Variants in TBX21 observed in about 807,000 individuals in gnomAD.
TBX21 encodes the protein T-box transcription factor TBX21.
Under a neutral mutation model 52.2 loss-of-function variants are expected in TBX21, and 11 were observed. The ratio of observed to expected loss-of-function variants is 0.21; its 90% CI spans 0.13 to 0.35. TBX21 has a LOEUF of 0.35. TBX21 is among the 10% of genes least tolerant of loss of function. The pLI, the probability that TBX21 is intolerant of heterozygous loss-of-function variation, is 1.00. For synonymous variants in TBX21, 300 were observed against 316.1 expected (o/e 0.95, Z 0.54); for missense variants, 625 against 755.1 (o/e 0.83, Z 2.02).
intron 1 of TBX21, among the ~76,000 whole-genome samples, chr17:47,734,592 T>G (rs975915416): frequency 1.4e-5 from 2 of 140,808 alleles, no homozygotes; most frequent in Non-Finnish European, 3.1e-5. Context: ...TGTGTGTGTG[T>G]GTGTGTGTGT....
At chr17:47,741,924 A>C (rs559659832) in intron 1 of TBX21, among the ~76,000 whole-genome samples, 1 of 152,216 alleles carries the variant, frequency 6.6e-6, no homozygotes, top group Non-Finnish European at 1.5e-5. Context: ...CATGTGAGTC[A>C]TTGAACACAG....
intron 3 of TBX21, 78 bp from the exon 4 acceptor site, chr17:47,744,117 G>T: frequency 6.4e-7 from 1 of 1,561,670 alleles, no homozygotes; most frequent in South Asian, 1.2e-5. Context: ...CCTCACGTGG[G>T]GCCAGCTGTT....
Position 47,733,509 on chromosome 17 carries a change from C to A in TBX21, c.55C>A (p.Pro19Thr). The A allele has an allele frequency of 6.7e-7, 1 of 1,494,732 alleles. No individual in the cohort carries two copies. Among genetic ancestry groups the A allele is most frequent in the Admixed American group, 2.2e-5 (1 of 44,990 alleles). The allele number at this position is 1,494,732 out of a possible 1,614,324, so 92.6% of individuals were successfully genotyped here. A position where few individuals can be genotyped will look rare whatever the true frequency, so the allele number is the denominator to read the frequency against. ...GDMLTGTEPM[P>T]GSDEGRAPGA... ...CATGCTGACGGGCACCGAGCCGATG[C>A]CGGGGAGCGACGAGGGCCGGGCGCC... is the stretch of plus-strand genomic sequence containing the variant. The change falls in exon 1 of 6, where the codon CCG (proline) becomes ACG (threonine). Residue 19 changes from proline (P) to threonine (T), a missense_variant. Transcript: ENST00000177694. The surrounding 1 kb of genome is among the most constrained non-coding windows in gnomAD (Gnocchi z 6.6).
At chr17:47,736,034 G>A (rs1208163792) in intron 1 of TBX21, among the ~76,000 whole-genome samples, 1 of 152,194 alleles carries the variant, frequency 6.6e-6, no homozygotes, top group Non-Finnish European at 1.5e-5. Context: ...AGGCTGTAGA[G>A]CACTTCAGGG....
intron 1 of TBX21, among the ~76,000 whole-genome samples, chr17:47,734,455 T>C (rs1425355846): frequency 6.6e-6 from 1 of 151,332 alleles, no homozygotes; most frequent in Non-Finnish European, 1.5e-5. Flanking sequence ...GTGGTAGCGG[T>C]GGTGGTGGTG....
Position 47,733,414 on chromosome 17 carries a change from CG to C in TBX21, c.-38del, listed in dbSNP as rs772654677. 2.0e-5 allele frequency: 29 copies of C among 1,445,860 alleles called. 1 individual carries two copies. The South Asian group carries it at 3.8e-4, about 19-fold the overall frequency. The allele number at this position is 1,445,860 out of a possible 1,614,324, so 89.6% of individuals were successfully genotyped here. A position where few individuals can be genotyped will look rare whatever the true frequency, so the allele number is the denominator to read the frequency against. On this transcript the variant is annotated 5_prime_UTR_variant, in exon 1 of 6. Transcript: ENST00000177694. This position sits in a 1 kb window ranked among gnomAD's most constrained non-coding sequence, Gnocchi z 6.6. ...CGCGACCCTCTCGCGCGCGGAGGGG[CG>C]GGTCCTCGACGGCTACGGGAAGGTG... is the stretch of plus-strand genomic sequence containing the variant.
intron 1 of TBX21, among the ~76,000 whole-genome samples, chr17:47,738,895 C>T (rs764559168): frequency 9.9e-5 from 15 of 152,186 alleles, no homozygotes; most frequent in Non-Finnish European, 1.6e-4. Context: ...GCCACCACGC[C>T]GGGCCAATAT....
intron 1 of TBX21, among the ~76,000 whole-genome samples, chr17:47,737,283 AAG>A (rs1290347280): frequency 1.3e-5 from 2 of 151,978 alleles, no homozygotes; most frequent in Non-Finnish European, 2.9e-5. Flanking sequence ...TCAGTAGAGG[AAG>A]AGAGAGGCCT....
In TBX21 at chr17:47,742,800, G is replaced by A. The variant is rs923904721; in HGVS notation, c.646+36G>A. 1.1e-5 allele frequency: 17 copies of A among 1,533,164 alleles called. No homozygotes were observed. The Admixed American group carries it at 2.8e-4, about 25-fold the overall frequency. The allele number at this position is 1,533,164 out of a possible 1,614,324, so 95.0% of individuals were successfully genotyped here. On this transcript the variant is annotated intron_variant, in intron 2 of 5. Coordinates refer to ENST00000177694, the MANE Select transcript of TBX21 (RefSeq NM_013351.2). The surrounding 1 kb of genome is among the most constrained non-coding windows in gnomAD (Gnocchi z 4.4). Reference sequence around the variant, plus strand: ...CCCTGGGAGCGGTGGGCTCTGTTTCGCTGGGACTGGGCGCCCCCTGGTGGG... The same window carrying A: ...CCCTGGGAGCGGTGGGCTCTGTTTCACTGGGACTGGGCGCCCCCTGGTGGG...
chr17:47,737,823 G>A (rs991526956), intron 1 of TBX21, among the ~76,000 whole-genome samples: 2 of 151,798 alleles, frequency 1.3e-5, no homozygotes, highest in East Asian at 1.9e-4. Context: ...ACGGGGTTTC[G>A]CCATGTTGGC....
In TBX21 at chr17:47,733,322, G is replaced by C. The variant is rs1394864447; in HGVS notation, c.-133G>C. 4.0e-6 allele frequency: 5 copies of C among 1,242,948 alleles called. No individual in the cohort carries two copies. The highest frequency in any genetic ancestry group is 5.2e-6 in the Non-Finnish European group (5 of 965,032). The allele number at this position is 1,242,948 out of a possible 1,614,324, so 77.0% of individuals were successfully genotyped here. On this transcript the variant is annotated 5_prime_UTR_variant, in exon 1 of 6. Coordinates refer to ENST00000177694, the MANE Select transcript of TBX21 (RefSeq NM_013351.2). The surrounding 1 kb of genome is among the most constrained non-coding windows in gnomAD (Gnocchi z 6.6). The stretch of plus-strand genomic sequence containing the variant: ...GTAGAAGCCAGGCGTCAGAGCCCGG[G>C]CTCCGGTGGGGTCCCCCACCCGGCC...
Position 47,733,686 on chromosome 17 carries a change from C to T in TBX21, c.232C>T (p.Pro78Ser). Residue 78 changes from proline (P) to serine (S), a missense_variant, in exon 1 of 6, where the codon CCG (proline) becomes TCG (serine). By Grantham distance (74) the Pro-to-Ser change is moderately conservative. Around this residue, in one of 4 missense-constraint regions of TBX21, gnomAD observed 221 missense variants for 204.9 expected, o/e 1.08. Coordinates refer to ENST00000177694, the MANE Select transcript of TBX21 (RefSeq NM_013351.2). This position sits in a 1 kb window ranked among gnomAD's most constrained non-coding sequence, Gnocchi z 6.6. ...PSRFLGAYAYPPRPQAAGFPG... is the reference protein window; with the variant it reads ...PSRFLGAYAYSPRPQAAGFPG... ...CCGCTTCCTTGGAGCCTACGCCTACCCGCCGCGACCCCAGGCGGCCGGCTT... is the reference window on the plus strand; with the variant it reads ...CCGCTTCCTTGGAGCCTACGCCTACTCGCCGCGACCCCAGGCGGCCGGCTT... 7.0e-7 allele frequency: 1 copy of T among 1,430,756 alleles called. No homozygotes were observed. Among genetic ancestry groups the T allele is most frequent in the East Asian group, 3.1e-5 (1 of 32,434 alleles). 88.6% of individuals were successfully genotyped at this position (1,430,756 alleles called of 1,614,324 possible). A position where few individuals can be genotyped will look rare whatever the true frequency, so the allele number is the denominator to read the frequency against.
chr17:47,742,383 A>G lies in TBX21; in HGVS notation c.492-227A>G, dbSNP rs866716599. On this transcript the variant is annotated intron_variant, in intron 1 of 5. Coordinates refer to ENST00000177694, the MANE Select transcript of TBX21 (RefSeq NM_013351.2). The surrounding 1 kb of genome is among the most constrained non-coding windows in gnomAD (Gnocchi z 4.4). Reference sequence around the variant, plus strand: ...AGGCATGAGCCACTGTGCCGGGCCTACTTTGACTGTTAATATGTCTTGAAT... The same window carrying G: ...AGGCATGAGCCACTGTGCCGGGCCTGCTTTGACTGTTAATATGTCTTGAAT... Among the ~76,000 whole-genome samples, 25 of 152,178 alleles carry G rather than the reference A, an allele frequency of 1.6e-4. No individual in the cohort carries two copies. The highest frequency in any genetic ancestry group is 4.6e-4 in the Admixed American group (7 of 15,284).
Position 47,742,481 on chromosome 17 carries a change from T to C in TBX21, c.492-129T>C. ...TGGCTGGCAAACTCCCTAAACACCT[T>C]CCAGCTGGTTCTTGTGAGTGGGAGG... is the stretch of plus-strand genomic sequence containing the variant. On this transcript the variant is annotated intron_variant, in intron 1 of 5. Coordinates refer to ENST00000177694, the MANE Select transcript of TBX21 (RefSeq NM_013351.2). This position sits in a 1 kb window ranked among gnomAD's most constrained non-coding sequence, Gnocchi z 4.4. 1 of 1,154,208 alleles carries C rather than the reference T, an allele frequency of 8.7e-7. No individual in the cohort carries two copies. The highest frequency in any genetic ancestry group is 1.2e-6 in the Non-Finnish European group (1 of 839,088). The allele number at this position is 1,154,208 out of a possible 1,614,324, so 71.5% of individuals were successfully genotyped here.
In TBX21 at chr17:47,733,827, T is replaced by C; in HGVS notation, c.373T>C (p.Tyr125His). 2 of 1,606,224 alleles carry C rather than the reference T, an allele frequency of 1.2e-6. No homozygotes were observed. Among genetic ancestry groups the C allele is most frequent in the East Asian group, 4.5e-5 (2 of 44,458 alleles). The change falls in exon 1 of 6, where the codon TAC becomes CAC. Residue 125 changes from tyrosine to histidine, a missense_variant. Tyr to His is a moderately conservative substitution (Grantham distance 83). This residue lies in a region of TBX21 where 142 missense variants were observed against 258.5 expected (regional missense o/e 0.55). Coordinates refer to ENST00000177694, the MANE Select transcript of TBX21 (RefSeq NM_013351.2). The surrounding 1 kb of genome is among the most constrained non-coding windows in gnomAD (Gnocchi z 6.6). ...AGLYPGPRED[Y>H]ALPAGLEVSG... ...GCTCTACCCGGGGCCGCGTGAGGAC[T>C]ACGCGCTACCCGCGGGACTGGAGGT...
At chr17:47,744,434 C>T (rs368881755) in intron 4 of TBX21, 48 bp from the exon 5 acceptor site, 224 of 1,613,572 alleles carry the variant, frequency 1.4e-4, no homozygotes, top group Non-Finnish European at 1.8e-4. Flanking sequence ...GGAAAGTTCC[C>T]GAGCCCCAGA....
At chr17:47,743,516 A>G (rs2032291552) in intron 3 of TBX21, among the ~76,000 whole-genome samples, 1 of 152,170 alleles carries the variant, frequency 6.6e-6, no homozygotes, top group South Asian at 2.1e-4. Context: ...GGCACCATGA[A>G]AGGCACAGAG....
At chr17:47,734,738 C>T (rs1310301596) in intron 1 of TBX21, among the ~76,000 whole-genome samples, 1 of 151,650 alleles carries the variant, frequency 6.6e-6, no homozygotes, top group African/African-American at 2.4e-5. Flanking sequence ...GCCTGGTAGC[C>T]AGCCCCACAC....
Position 47,745,201 on chromosome 17 carries a change from C to A in TBX21, c.1443C>A (p.Ala481=). ...CCCCCTTGGTGTGGACTGAGATTGC[C>A]CCCATCCGGCCGGAATCCAGTGATT... ...QGPPLVWTEI[A]PIRPESSDSG... Residue 481 remains alanine, a synonymous_variant, in exon 6 of 6, where the codon GCC becomes GCA. Coordinates refer to ENST00000177694, the MANE Select transcript of TBX21 (RefSeq NM_013351.2). The A allele has an allele frequency of 6.2e-7, 1 of 1,614,210 alleles. No homozygotes were observed. The highest frequency in any genetic ancestry group is 8.5e-7 in the Non-Finnish European group (1 of 1,180,030).
Sources: allele counts gnomAD v4.1 joint callset (sites outside exome capture counted in the v4.1 genomes callset), GRCh38; gene constraint gnomAD v4.1.1; regional missense constraint gnomAD v4.1.1; non-coding constraint Gnocchi (gnomAD v3.1); transcripts MANE v1.5; gene names NCBI Gene and HGNC (gene_info 2026-07-23, HGNC 2026-07-21).